The following COL4A1 variants were observed in gnomAD, a reference collection of about 807,000 sequenced individuals.
COL4A1 encodes the protein collagen alpha-1(IV) chain.
In COL4A1, 40 loss-of-function variants were observed where a neutral mutation model predicts 216.6. That is an observed-to-expected ratio of 0.18 (90% CI 0.14 to 0.24). COL4A1 has a LOEUF of 0.24. Among genes scored for constraint, COL4A1 ranks in the 10% least tolerant of loss-of-function variants. COL4A1 has a pLI of 1.00. For synonymous variants in COL4A1, 839 were observed against 810.7 expected (o/e 1.03, Z -0.59); for missense variants, 1,628 against 2,196.8 (o/e 0.74, Z 5.18).
In COL4A1 at chr13:110,247,828, TGTGTGTGG is replaced by T. The variant is rs1366049214; in HGVS notation, c.85-5102_85-5095del. The stretch of plus-strand genomic sequence containing the variant: ...GTGTGTGTGTGTGTGTGTGTGTGTG[TGTGTGTGG>T]CAGAGAGAGAGGGAGGGAGGGAGGG... On this transcript the variant is annotated intron_variant, in intron 1 of 51. Coordinates refer to ENST00000375820, the MANE Select transcript of COL4A1 (RefSeq NM_001845.6). Among the ~76,000 whole-genome samples the T allele has an allele frequency of 1.9e-3, 223 of 117,818 alleles. 1 individual carries two copies. The highest frequency in any genetic ancestry group is 7.5e-3 in the Middle Eastern group (2 of 268). 77.3% of individuals were successfully genotyped at this position (117,818 alleles called of 152,430 possible). A position where few individuals can be genotyped will look rare whatever the true frequency, so the allele number is the denominator to read the frequency against.
At position 110,207,713 on chromosome 13, in the gene COL4A1, G is replaced by A. The variant is rs929540179; in HGVS notation, c.694-224C>T. On this transcript the variant is annotated intron_variant, in intron 12 of 51. Coordinates refer to ENST00000375820, the MANE Select transcript of COL4A1 (RefSeq NM_001845.6). This position sits in a 1 kb window ranked among gnomAD's most constrained non-coding sequence, Gnocchi z 4.4. ...GAGGAGAATTTCACTTCTTCTATGGGTGGCCACTAGCTCAGGAATAACCAT... is the reference window on the plus strand; with the variant it reads ...GAGGAGAATTTCACTTCTTCTATGGATGGCCACTAGCTCAGGAATAACCAT... 2.6e-5 allele frequency among the ~76,000 whole-genome samples: 4 copies of A among 152,110 alleles called. No homozygotes were observed. Among genetic ancestry groups the A allele is most frequent in the African/African-American group, 9.7e-5 (4 of 41,412 alleles).
chr13:110,220,792 C>T (rs778432320), intron 2 of COL4A1, among the ~76,000 whole-genome samples: 7 of 152,052 alleles, frequency 4.6e-5, no homozygotes, highest in East Asian at 1.9e-4. Flanking sequence ...GTCTCCTGGC[C>T]GAAAGAACAG....
Position 110,192,856 on chromosome 13 carries a change from C to A in COL4A1, c.1439G>T (p.Gly480Val). 6.2e-7 allele frequency: 1 copy of A among 1,614,014 alleles called. No individual in the cohort carries two copies. Among genetic ancestry groups the A allele is most frequent in the Non-Finnish European group, 8.5e-7 (1 of 1,179,958 alleles). Residue 480 changes from glycine to valine, a missense_variant, in exon 23 of 52, where the codon GGG becomes GTG. Gly to Val is a moderately radical substitution (Grantham distance 109, BLOSUM62 -3). Transcript: ENST00000375820. ...TATTTCTCCCGGGGGTCCCTGTGGC[C>A]CGGGAGGCCCCCGATATCCGTCTAT... ...CDIDGYRGPPGPQGPPGEIGF... is the reference protein window; with the variant it reads ...CDIDGYRGPPVPQGPPGEIGF...
intron 1 of COL4A1, among the ~76,000 whole-genome samples, chr13:110,272,622 C>T (rs1282363133): frequency 6.6e-6 from 1 of 152,158 alleles, no homozygotes; most frequent in Non-Finnish European, 1.5e-5. Flanking sequence ...GGATGTTCCA[C>T]AATGGTGACA....
At chr13:110,169,307 GTT>G (rs1877493600) in intron 43 of COL4A1, among the ~76,000 whole-genome samples, 1 of 152,148 alleles carries the variant, frequency 6.6e-6, no homozygotes, top group Admixed American at 6.6e-5. Context: ...TTTACATTGA[GTT>G]TGTAAATAGG....
chr13:110,277,728 C>G lies in COL4A1; in HGVS notation c.84+29216G>C, dbSNP rs898641266. 3.3e-5 allele frequency among the ~76,000 whole-genome samples: 5 copies of G among 152,198 alleles called. No homozygotes were observed. In the East Asian group the frequency reaches 9.6e-4, roughly 29 times the overall value. On this transcript the variant is annotated intron_variant, in intron 1 of 51. Transcript: ENST00000375820. Reference sequence around the variant, plus strand: ...GGCATTTCAGATTCACTCTGGGTGACTCAGGCCATCCTTTGCAGAGCTGAC... The same window carrying G: ...GGCATTTCAGATTCACTCTGGGTGAGTCAGGCCATCCTTTGCAGAGCTGAC...
chr13:110,272,125 C>T (rs1008445748), intron 1 of COL4A1, among the ~76,000 whole-genome samples: 12 of 152,118 alleles, frequency 7.9e-5, no homozygotes, highest in Non-Finnish European at 1.2e-4. Flanking sequence ...AAAGTTTCTC[C>T]GCCAGAAATA....
At chr13:110,305,527 C>T (rs906731248) in intron 1 of COL4A1, among the ~76,000 whole-genome samples, 1 of 152,246 alleles carries the variant, frequency 6.6e-6, no homozygotes, top group Admixed American at 6.5e-5. Flanking sequence ...CATCAGGCTT[C>T]ACCATCTCAC....
At chr13:110,151,716 G>T (rs112958495) in intron 51 of COL4A1, among the ~76,000 whole-genome samples, 1 of 152,156 alleles carries the variant, frequency 6.6e-6, no homozygotes, top group African/African-American at 2.4e-5. Context: ...GCTGGGGCTC[G>T]GGATAGAGGG....
Position 110,198,101 on chromosome 13 carries a change from G to GTC in COL4A1, c.1285+365_1285+366insGA, listed in dbSNP as rs1393554838. On this transcript the variant is annotated intron_variant, in intron 21 of 51. Coordinates refer to ENST00000375820, the MANE Select transcript of COL4A1 (RefSeq NM_001845.6). ...GGGGTGTGTGTGTGTGTGTGTGTGT[G>GTC]TGTGTGTGTGTGTGTGTCCTAGTAT... Among the ~76,000 whole-genome samples, 33 of 151,954 alleles carry GTC rather than the reference G, an allele frequency of 2.2e-4. 1 individual carries two copies. The South Asian group carries it at 6.7e-3, about 31-fold the overall frequency.
chr13:110,162,073 G>A, intron 48 of COL4A1, 157 bp downstream of exon 48: 1 of 753,536 alleles, frequency 1.3e-6, no homozygotes, highest in Admixed American at 1.8e-5. Flanking sequence ...GGAGGGAAAT[G>A]GGGCCGGGCT....
chr13:110,192,932 A>G lies in COL4A1; in HGVS notation c.1382-19T>C. On this transcript the variant is annotated intron_variant, in intron 22 of 51. Coordinates refer to ENST00000375820, the MANE Select transcript of COL4A1 (RefSeq NM_001845.6). ...TTTTGACCTAAAAAAGAAAACACAA[A>G]GGTGCTTACGTGTAACATGTGACCA... is the stretch of plus-strand genomic sequence containing the variant. 6.2e-7 allele frequency: 1 copy of G among 1,610,866 alleles called. No individual in the cohort carries two copies. Among genetic ancestry groups the G allele is most frequent in the Non-Finnish European group, 8.5e-7 (1 of 1,176,998 alleles).
intron 1 of COL4A1, among the ~76,000 whole-genome samples, chr13:110,277,474 C>T (rs545907848): frequency 5.6e-4 from 85 of 152,270 alleles, no homozygotes; most frequent in African/African-American, 1.9e-3. Flanking sequence ...ATGATAACTT[C>T]GTAGCCAGAG....
At position 110,161,304 on chromosome 13, in the gene COL4A1, C is replaced by G; in HGVS notation, c.4528G>C (p.Val1510Leu). 1 of 1,614,174 alleles carries G rather than the reference C, an allele frequency of 6.2e-7. No homozygotes were observed. The highest frequency in any genetic ancestry group is 1.3e-5 in the African/African-American group (1 of 75,032). Residue 1510 changes from valine (V) to leucine (L), a missense_variant, in exon 49 of 52, where the codon GTG becomes CTG. Physicochemically the swap from Val to Leu is conservative, Grantham distance 32. Around this residue, in one of 8 missense-constraint regions of COL4A1, gnomAD observed 254 missense variants for 300.1 expected, o/e 0.85. Coordinates refer to ENST00000375820, the MANE Select transcript of COL4A1 (RefSeq NM_001845.6). ...MPFLFCNINNVCNFASRNDYS... is the reference protein window; with the variant it reads ...MPFLFCNINNLCNFASRNDYS... ...TCATTTCGTGATGCAAAGTTGCACACGTTGTTAATATTGCAGAACAGGAAG... is the reference window on the plus strand; with the variant it reads ...TCATTTCGTGATGCAAAGTTGCACAGGTTGTTAATATTGCAGAACAGGAAG...
chr13:110,198,753 T>TGC (rs1879025238), intron 20 of COL4A1, 122 bp from the exon 21 acceptor site: 1 of 1,312,166 alleles, frequency 7.6e-7, no homozygotes, highest in South Asian at 1.2e-5. Flanking sequence ...AAAAGGGAAC[T>TGC]GCTTTAGACA....
rs182561957 is a variant in COL4A1, at chr13:110,276,009, C to T, written c.84+30935G>A. On this transcript the variant is annotated intron_variant, in intron 1 of 51. Transcript: ENST00000375820. ...GGATAGATGTCATTATCTATTTGTC[C>T]AAATGCATACAAAGTACAGCACCGA... 1.1e-4 allele frequency among the ~76,000 whole-genome samples: 16 copies of T among 151,748 alleles called. No individual in the cohort carries two copies. In the East Asian group the frequency reaches 3.1e-3, roughly 30 times the overall value.
At position 110,181,427 on chromosome 13, in the gene COL4A1, A is replaced by G. The variant is rs781043421; in HGVS notation, c.2096-38T>C. The G allele has an allele frequency of 4.0e-6, 6 of 1,517,596 alleles. No individual in the cohort carries two copies. The East Asian group carries it at 1.1e-4, about 29-fold the overall frequency. The allele number at this position is 1,517,596 out of a possible 1,614,324, so 94.0% of individuals were successfully genotyped here. A position where few individuals can be genotyped will look rare whatever the true frequency, so the allele number is the denominator to read the frequency against. ...GTCAAAAAAAAAAAACAAACAAACA[A>G]TCATTGCGATTACAATGCCGTTCCC... On this transcript the variant is annotated intron_variant, in intron 28 of 51. Transcript: ENST00000375820.
intron 2 of COL4A1, among the ~76,000 whole-genome samples, chr13:110,242,407 C>T (rs1317393208): frequency 6.6e-6 from 1 of 152,154 alleles, no homozygotes; most frequent in Non-Finnish European, 1.5e-5. Context: ...GATTTTCTAC[C>T]AAGAGTCAAA....
chr13:110,191,592 T>C (rs1034993923), intron 24 of COL4A1: 2 of 661,422 alleles, frequency 3.0e-6, no homozygotes, highest in East Asian at 2.8e-5. Context: ...TTTTGTTCCA[T>C]TGAAAGGTTT....
Sources: allele counts gnomAD v4.1 joint callset (sites outside exome capture counted in the v4.1 genomes callset), GRCh38; gene constraint gnomAD v4.1.1; regional missense constraint gnomAD v4.1.1; non-coding constraint Gnocchi (gnomAD v3.1); transcripts MANE v1.5; gene names NCBI Gene and HGNC (gene_info 2026-07-23, HGNC 2026-07-21).